Variants in TENM1 observed in about 807,000 individuals in gnomAD.
TENM1 encodes the protein teneurin-1.
Under a neutral mutation model 174.8 loss-of-function variants are expected in TENM1, and 35 were observed. That is an observed-to-expected ratio of 0.20 (90% confidence interval 0.15 to 0.27). The LOEUF (loss-of-function observed/expected upper bound fraction) is 0.27. Ranked by LOEUF, TENM1 falls within the 10% of genes least tolerant of loss-of-function variation. The pLI, the probability that TENM1 is intolerant of heterozygous loss-of-function variation, is 1.00. For missense variants in TENM1, 1,633 were observed against 2,130.1 expected (o/e 0.77, Z 4.59); for synonymous variants, 781 against 798.7 (o/e 0.98, Z 0.37).
intron 1 of TENM1, among the ~76,000 whole-genome samples, chrX:124,919,531 C>A (rs976656129): frequency 3.7e-5 from 4 of 108,549 alleles, no homozygotes; most frequent in African/African-American, 1.3e-4. Context: ...ACATACATGG[C>A]AAAACTATAA....
chrX:125,053,726 C>T, the TENM1 span, among the ~76,000 whole-genome samples: 27 of 111,486 alleles, frequency 2.4e-4, no homozygotes, highest in African/African-American at 8.1e-4. Context: ...TTGTGCTGAG[C>T]GGGGTTCTAA....
the TENM1 span, among the ~76,000 whole-genome samples, chrX:125,004,337 G>A: frequency 2.7e-5 from 3 of 111,540 alleles, no homozygotes; most frequent in African/African-American, 9.8e-5. Context: ...ACTATGTCAG[G>A]GCACGGTCAT....
chrX:124,895,837 C>A, intron 2 of TENM1, 144 bp downstream of exon 5: 2 of 640,261 alleles, frequency 3.1e-6, no homozygotes, highest in South Asian at 6.0e-5. Context: ...TAGGTGCATG[C>A]CTTGTCCATG....
chrX:125,086,746 C>T, the TENM1 span, among the ~76,000 whole-genome samples: 3 of 110,585 alleles, frequency 2.7e-5, no homozygotes, highest in Admixed American at 2.9e-4. Context: ...AACATATTCT[C>T]TGCTGGAAGT....
intron 1 of TENM1, among the ~76,000 whole-genome samples, chrX:124,928,640 TTTTATG>T (rs1428316190): frequency 1.8e-5 from 2 of 112,282 alleles, no homozygotes; most frequent in Non-Finnish European, 3.8e-5. Context: ...TTTTTAACAC[TTTTATG>T]TTTAACATAA....
intron 11 of TENM1, among the ~76,000 whole-genome samples, chrX:124,591,030 A>T (rs1191691863): frequency 1.8e-5 from 2 of 111,718 alleles, no homozygotes; most frequent in Non-Finnish European, 3.8e-5. Flanking sequence ...AGTCTGTTTT[A>T]TCTGATATAA....
intron 3 of TENM1, among the ~76,000 whole-genome samples, chrX:124,862,568 T>C (rs1253719993): frequency 6.3e-5 from 7 of 110,754 alleles, no homozygotes; most frequent in African/African-American, 2.3e-4. Context: ...AGAGGGAGCA[T>C]TTAAACCAGC....
chrX:124,864,375 C>A (rs922428557), intron 3 of TENM1, among the ~76,000 whole-genome samples: 2 of 111,724 alleles, frequency 1.8e-5, no homozygotes, highest in African/African-American at 6.5e-5. Flanking sequence ...ATTCAGAAAT[C>A]TATCAGATAA....
chrX:124,429,181 C>T (rs1229376800), intron 23 of TENM1, among the ~76,000 whole-genome samples: 1 of 111,948 alleles, frequency 8.9e-6, no homozygotes, highest in African/African-American at 3.2e-5. Flanking sequence ...TCATTCTTGT[C>T]TCACCAAATC....
intron 18 of TENM1, among the ~76,000 whole-genome samples, chrX:124,507,658 C>A (rs1417340696): frequency 8.9e-6 from 1 of 111,879 alleles, no homozygotes; most frequent in African/African-American, 3.2e-5. Context: ...GGCAAGAAGG[C>A]TGAGGGTCAC....
At chrX:124,529,757 T>C in intron 16 of TENM1, 107 bp downstream of exon 19, 1 of 1,025,373 alleles carries the variant, frequency 9.8e-7, no homozygotes, top group Non-Finnish European at 1.3e-6. Flanking sequence ...AGATATAACT[T>C]GAAGAAAGAT....
At chrX:124,573,001 C>T (rs975581002) in intron 11 of TENM1, among the ~76,000 whole-genome samples, 1 of 110,982 alleles carries the variant, frequency 9.0e-6, no homozygotes, top group Non-Finnish European at 1.9e-5. Flanking sequence ...GAAACATGAT[C>T]CTAAAATCTA....
chrX:124,935,076 G>A (rs1046797779), intron 1 of TENM1, among the ~76,000 whole-genome samples: 1 of 108,816 alleles, frequency 9.2e-6, no homozygotes, highest in African/African-American at 3.3e-5. Context: ...CATTTAGACA[G>A]TGGATTGACA....
chrX:125,095,240 G>C, the TENM1 span, among the ~76,000 whole-genome samples: 58 of 111,715 alleles, frequency 5.2e-4, no homozygotes, highest in South Asian at 0.021. Flanking sequence ...TTGAAAAGTA[G>C]ATTCAAAATC....
intron 23 of TENM1, among the ~76,000 whole-genome samples, chrX:124,426,833 C>T (rs1239098316): frequency 8.9e-6 from 1 of 112,186 alleles, no homozygotes; most frequent in Non-Finnish European, 1.9e-5. Flanking sequence ...CCAGCCTTAA[C>T]AGCTCCCAGA....
chrX:124,945,766 C>G (rs1445924607), intron 1 of TENM1, among the ~76,000 whole-genome samples: 1 of 110,871 alleles, frequency 9.0e-6, no homozygotes, highest in East Asian at 2.8e-4. Context: ...AAAAAGCAGA[C>G]AGTGAAAGAA....
the TENM1 span, among the ~76,000 whole-genome samples, chrX:125,141,014 G>A: frequency 1.8e-5 from 2 of 111,854 alleles, no homozygotes; most frequent in African/African-American, 3.2e-5. Context: ...CAGTATTGAC[G>A]AAAGTATACT....
chrX:124,457,720 G>C (rs1356377454), intron 22 of TENM1, among the ~76,000 whole-genome samples: 2 of 111,692 alleles, frequency 1.8e-5, no homozygotes, highest in East Asian at 5.6e-4. Flanking sequence ...CCTGGAAATA[G>C]TAGCTAAATC....
chrX:124,423,826 T>G (rs975132059), intron 23 of TENM1, among the ~76,000 whole-genome samples: 1 of 111,729 alleles, frequency 9.0e-6, no homozygotes, highest in Non-Finnish European at 1.9e-5. Context: ...ATGGACTAAA[T>G]TGTGTCCTCC....
Sources: allele counts gnomAD v4.1 joint callset (sites outside exome capture counted in the v4.1 genomes callset), GRCh38; gene constraint gnomAD v4.1.1; transcripts MANE v1.5; gene names NCBI Gene and HGNC (gene_info 2026-07-23, HGNC 2026-07-21).